Variants in GRIN3A observed in about 807,000 individuals in gnomAD.
GRIN3A encodes glutamate receptor ionotropic, NMDA 3A.
GRIN3A carries 47 observed loss-of-function variants against 92.4 expected under a neutral mutation model. That is an observed-to-expected ratio of 0.51 (90% CI 0.40 to 0.65). GRIN3A has a LOEUF of 0.65. Among genes scored for constraint, GRIN3A ranks in the 30% least tolerant of loss-of-function variants. The probability of loss-of-function intolerance (pLI) is 0.00; values close to 1 mark genes in which losing one functional copy is unlikely to be tolerated. For synonymous variants in GRIN3A, 527 were observed against 540.6 expected (o/e 0.97, Z 0.35); for missense variants, 1,324 against 1,393.1 (o/e 0.95, Z 0.79).
intron 2 of GRIN3A, among the ~76,000 whole-genome samples, chr9:101,681,391 G>C (rs898207915): frequency 1.3e-5 from 2 of 152,046 alleles, no homozygotes; most frequent in Non-Finnish European, 2.9e-5. Context: ...GTTGACATCC[G>C]CTCTGCATAT....
rs757162006 is a variant in GRIN3A at position 101,594,551 on chromosome 9, A to G, written c.2767-15191T>C. ...CAGCTGCTGGAGCTGCCAGTCCGTC[A>G]GGTTGTTGCCCACCATCATCTTCAG... On this transcript the variant is annotated intron_variant, in intron 6 of 8. Coordinates refer to ENST00000361820, the MANE Select transcript of GRIN3A (RefSeq NM_133445.3). 3.3e-5 allele frequency: 53 copies of G among 1,614,086 alleles called. No individual in the cohort carries two copies. The highest frequency in any genetic ancestry group is 2.0e-4 in the Admixed American group (12 of 60,006).
chr9:101,654,392 A>G (rs1829056440), intron 3 of GRIN3A, among the ~76,000 whole-genome samples: 1 of 151,486 alleles, frequency 6.6e-6, no homozygotes, highest in Non-Finnish European at 1.5e-5. Context: ...TGTATGATAT[A>G]CAAATACTCT....
intron 8 of GRIN3A, 102 bp from the exon 9 acceptor site, chr9:101,573,615 G>A (rs1405368549): frequency 1.1e-6 from 1 of 927,672 alleles, no homozygotes; most frequent in Non-Finnish European, 1.7e-6. Context: ...GGAGCTGGGT[G>A]TGCATTTAGA....
chr9:101,624,318 C>T (rs1828600081), intron 4 of GRIN3A, among the ~76,000 whole-genome samples: 2 of 151,524 alleles, frequency 1.3e-5, no homozygotes, highest in South Asian at 2.1e-4. Flanking sequence ...TGGTGTGCTG[C>T]ACCCATTAAC....
intron 2 of GRIN3A, among the ~76,000 whole-genome samples, chr9:101,675,539 T>TG (rs1362416039): frequency 6.6e-6 from 1 of 151,946 alleles, no homozygotes; most frequent in Non-Finnish European, 1.5e-5. Flanking sequence ...TCCTAGGTGC[T>TG]GGGGGTGTAG....
At chr9:101,594,971 G>A (rs937503618) in intron 6 of GRIN3A, 4 of 1,566,300 alleles carry the variant, frequency 2.6e-6, no homozygotes, top group Non-Finnish European at 2.6e-6. Context: ...GAGGGGAGCA[G>A]GGGCGGTGAG....
chr9:101,734,340 G>A (rs1466194594), intron 1 of GRIN3A, among the ~76,000 whole-genome samples: 1 of 152,140 alleles, frequency 6.6e-6, no homozygotes, highest in Non-Finnish European at 1.5e-5. Flanking sequence ...AATAAAATGG[G>A]TTAGCCTCAA....
chr9:101,712,143 G>T (rs1314665059), intron 1 of GRIN3A, among the ~76,000 whole-genome samples: 1 of 152,112 alleles, frequency 6.6e-6, no homozygotes, highest in Non-Finnish European at 1.5e-5. Flanking sequence ...ATATCATAAA[G>T]TTCTCCTATT....
intron 3 of GRIN3A, among the ~76,000 whole-genome samples, chr9:101,644,244 T>G (rs1828903838): frequency 6.6e-6 from 1 of 151,954 alleles, no homozygotes; most frequent in Non-Finnish European, 1.5e-5. Context: ...CCGATAATTT[T>G]CAGATAAACT....
At chr9:101,724,494 C>T (rs780456659) in intron 1 of GRIN3A, among the ~76,000 whole-genome samples, 68 of 152,162 alleles carry the variant, frequency 4.5e-4, no homozygotes, top group Non-Finnish European at 8.8e-4. Context: ...CCTCTCCCTC[C>T]GCACCTCCCT....
intron 6 of GRIN3A, among the ~76,000 whole-genome samples, chr9:101,610,558 T>C (rs1475302505): frequency 6.6e-6 from 1 of 151,202 alleles, no homozygotes; most frequent in African/African-American, 2.4e-5. Context: ...ACCAAGGGCA[T>C]TGACCAGCTT....
chr9:101,673,002 A>C (rs1256660189), intron 2 of GRIN3A, among the ~76,000 whole-genome samples: 1 of 152,168 alleles, frequency 6.6e-6, no homozygotes. Context: ...GTTAAAACAC[A>C]CACATATACA....
chr9:101,598,428 A>G (rs887377055), intron 6 of GRIN3A, among the ~76,000 whole-genome samples: 1 of 152,170 alleles, frequency 6.6e-6, no homozygotes, highest in Non-Finnish European at 1.5e-5. Context: ...AAGAGGTATT[A>G]TTAATTAGGT....
At chr9:101,583,526 C>T (rs1321008838) in intron 6 of GRIN3A, among the ~76,000 whole-genome samples, 2 of 152,080 alleles carry the variant, frequency 1.3e-5, no homozygotes, top group Admixed American at 6.5e-5. Context: ...CAACTTGATA[C>T]TCATTATTGG....
At chr9:101,577,704 TAC>T in intron 8 of GRIN3A, 62 bp downstream of exon 8, 1 of 1,145,936 alleles carries the variant, frequency 8.7e-7, no homozygotes, top group Non-Finnish European at 1.3e-6. Context: ...TGAATAATTA[TAC>T]AGTTAGATCT....
intron 1 of GRIN3A, among the ~76,000 whole-genome samples, chr9:101,705,165 T>G (rs1207314273): frequency 6.6e-6 from 1 of 152,172 alleles, no homozygotes; most frequent in East Asian, 1.9e-4. Context: ...TAGCCTACCA[T>G]GCCTCTCCAC....
chr9:101,597,069 C>G (rs942468813), intron 6 of GRIN3A, among the ~76,000 whole-genome samples: 16 of 152,236 alleles, frequency 1.1e-4, no homozygotes, highest in Admixed American at 2.6e-4. Flanking sequence ...TTCCTTCACT[C>G]TCTCCTATGG....
Position 101,670,214 on chromosome 9 carries a change from G to T in GRIN3A, c.2198C>A (p.Ala733Asp). 1.2e-6 allele frequency: 2 copies of T among 1,613,998 alleles called. No homozygotes were observed. The highest frequency in any genetic ancestry group is 1.7e-6 in the Non-Finnish European group (2 of 1,179,932). The change falls in exon 3 of 9, where the codon GCC becomes GAC. Residue 733 changes from alanine to aspartate, a missense_variant. Ala to Asp is a moderately radical substitution (Grantham distance 126). Transcript: ENST00000361820. ...CYALLFGRTV[A>D]IKPPKCWTGR... is the part of the protein sequence containing the mutation. ...AGTCCAACATTTTGGAGGTTTGATGGCCACTGTTCTGCCAAACAAGAGGGC... is the reference window on the plus strand; with the variant it reads ...AGTCCAACATTTTGGAGGTTTGATGTCCACTGTTCTGCCAAACAAGAGGGC...
intron 2 of GRIN3A, among the ~76,000 whole-genome samples, chr9:101,680,678 C>G (rs1160465230): frequency 2.6e-5 from 4 of 152,156 alleles, no homozygotes; most frequent in African/African-American, 7.2e-5. Context: ...ATGAGCATGT[C>G]TTCTCCTGGT....
Sources: allele counts gnomAD v4.1 joint callset (sites outside exome capture counted in the v4.1 genomes callset), GRCh38; gene constraint gnomAD v4.1.1; transcripts MANE v1.5; gene names NCBI Gene and HGNC (gene_info 2026-07-23, HGNC 2026-07-21).